CHRM1: variants seen among roughly 807,000 people sequenced by gnomAD.
CHRM1 encodes the protein muscarinic acetylcholine receptor M1.
In CHRM1, 5 loss-of-function variants were observed where a neutral mutation model predicts 31.6. The observed-to-expected ratio is 0.16, with a 90% CI of 0.08 to 0.33. The LOEUF (loss-of-function observed/expected upper bound fraction) is 0.33. Among genes scored for constraint, CHRM1 ranks in the 10% least tolerant of loss-of-function variants. The pLI is 1.00. For missense variants in CHRM1, 338 were observed against 610.3 expected (o/e 0.55, Z 4.70); for synonymous variants, 227 against 249.7 (o/e 0.91, Z 0.86).
intron 1 of CHRM1, among the ~76,000 whole-genome samples, chr11:62,917,275 T>C (rs1391369901): frequency 1.3e-5 from 2 of 152,096 alleles, no homozygotes; most frequent in African/African-American, 4.8e-5. Flanking sequence ...TGGGGTTCAG[T>C]GGTAGCTCTA....
chr11:62,913,899 C>G (rs2085886227), intron 1 of CHRM1, among the ~76,000 whole-genome samples: 2 of 150,514 alleles, frequency 1.3e-5, no homozygotes, highest in South Asian at 4.2e-4. Context: ...GGCTGGAGTG[C>G]AGTTGCGCGA....
At position 62,911,132 on chromosome 11, in the gene CHRM1, C is replaced by T; in HGVS notation, c.-32G>A. 1 of 1,600,864 alleles carries T rather than the reference C, an allele frequency of 6.2e-7. No homozygotes were observed. The highest frequency in any genetic ancestry group is 1.1e-5 in the South Asian group (1 of 89,000). Reference sequence around the variant, plus strand: ...TAGGTGGGGCTGGGGTTGGAGAGCCCCTTCCTCCAGGCACGCTACAGGGCT... The same window carrying T: ...TAGGTGGGGCTGGGGTTGGAGAGCCTCTTCCTCCAGGCACGCTACAGGGCT... On this transcript the variant is annotated 5_prime_UTR_variant, in exon 2 of 2. Transcript: ENST00000306960.
In CHRM1 at chr11:62,910,688, G is replaced by T. The variant is rs1407712682; in HGVS notation, c.413C>A (p.Thr138Lys). The change falls in exon 2 of 2, where the codon ACA (threonine) becomes AAA (lysine). Residue 138 changes from threonine to lysine, a missense_variant. Transcript: ENST00000306960. The surrounding 1 kb of genome is among the most constrained non-coding windows in gnomAD (Gnocchi z 8.7). ...TRPLSYRAKR[T>K]PRRAALMIGL... The stretch of plus-strand genomic sequence containing the variant: ...GATCATCAGAGCTGCCCGGCGGGGT[G>T]TGCGCTTGGCACGGTAGCTCAGGGG... 6.2e-7 allele frequency: 1 copy of T among 1,614,152 alleles called. No homozygotes were observed. The highest frequency in any genetic ancestry group is 8.5e-7 in the Non-Finnish European group (1 of 1,180,028).
intron 1 of CHRM1, among the ~76,000 whole-genome samples, chr11:62,914,210 C>T (rs898775156): frequency 3.3e-5 from 5 of 152,086 alleles, no homozygotes; most frequent in South Asian, 2.1e-4. Context: ...TCCCAAAGTG[C>T]TGGGATTACA....
intron 1 of CHRM1, among the ~76,000 whole-genome samples, chr11:62,916,421 T>A (rs2085900720): frequency 6.6e-6 from 1 of 152,198 alleles, no homozygotes; most frequent in African/African-American, 2.4e-5. Flanking sequence ...TAGCTATAAC[T>A]TTGGTGAATT....
intron 1 of CHRM1, among the ~76,000 whole-genome samples, chr11:62,916,105 C>T (rs969415437): frequency 1.1e-4 from 17 of 152,236 alleles, no homozygotes; most frequent in South Asian, 4.1e-4. Context: ...CCACAGCACC[C>T]GGCCCTGTTG....
intron 1 of CHRM1, among the ~76,000 whole-genome samples, chr11:62,919,233 CT>C (rs1305324097): frequency 1.3e-5 from 2 of 152,196 alleles, no homozygotes; most frequent in African/African-American, 4.8e-5. Context: ...ACTTCCACCC[CT>C]GATGTCTGGC....
At chr11:62,912,557 A>T (rs1299846401) in intron 1 of CHRM1, among the ~76,000 whole-genome samples, 1 of 152,106 alleles carries the variant, frequency 6.6e-6, no homozygotes, top group Admixed American at 6.5e-5. Context: ...AAATGGGAAG[A>T]TCCCCCAGAC....
In CHRM1 at chr11:62,909,537, T is replaced by C. The variant is rs999831099; in HGVS notation, c.*181A>G. On this transcript the variant is annotated 3_prime_UTR_variant, in exon 2 of 2. Coordinates refer to ENST00000306960, the MANE Select transcript of CHRM1 (RefSeq NM_000738.3). ...AGTTCCCCGGGTTTCCCTCCCTGCC[T>C]GGGAATAGCGAAGTCTGGAAAGTTG... 4.3e-6 allele frequency: 3 copies of C among 689,772 alleles called. No homozygotes were observed. The highest frequency in any genetic ancestry group is 1.8e-5 in the African/African-American group (1 of 55,930). 42.7% of individuals were successfully genotyped at this position (689,772 alleles called of 1,614,324 possible).
intron 1 of CHRM1, among the ~76,000 whole-genome samples, 158 bp downstream of exon 1, chr11:62,921,060 G>T (rs1232100089): frequency 6.6e-6 from 1 of 152,056 alleles, no homozygotes; most frequent in Non-Finnish European, 1.5e-5. Flanking sequence ...ATGCTACAGA[G>T]CCCCCTTGCC....
intron 1 of CHRM1, among the ~76,000 whole-genome samples, chr11:62,914,282 G>T (rs2085888950): frequency 6.6e-6 from 1 of 152,116 alleles, no homozygotes; most frequent in South Asian, 2.1e-4. Flanking sequence ...CTGAGACTGA[G>T]AAAAGCAAGG....
In CHRM1 at chr11:62,911,025, C is replaced by A. The variant is rs777577586; in HGVS notation, c.76G>T (p.Ala26Ser). ...AGGCCCGTGGTGATCCCAATGAAGG[C>A]CACTTGCCAGGGACCCTTTCCTGGT... The part of the protein sequence containing the change: ...LAPGKGPWQV[A>S]FIGITTGLLS... Residue 26 changes from alanine (A) to serine (S), a missense_variant, in exon 2 of 2, where the codon GCC becomes TCC. By Grantham distance (99) the Ala-to-Ser change is moderately conservative (BLOSUM62 1). Around this residue, in one of 4 missense-constraint regions of CHRM1, gnomAD observed 85 missense variants for 257.7 expected, o/e 0.33. Coordinates refer to ENST00000306960, the MANE Select transcript of CHRM1 (RefSeq NM_000738.3). 1 of 1,614,198 alleles carries A rather than the reference C, an allele frequency of 6.2e-7. No individual in the cohort carries two copies.
intron 1 of CHRM1, among the ~76,000 whole-genome samples, chr11:62,920,335 T>C (rs1195068878): frequency 2.0e-5 from 3 of 152,158 alleles, no homozygotes; most frequent in Non-Finnish European, 4.4e-5. Context: ...TAATGAGAGC[T>C]GACGACCCCC....
At position 62,910,083 on chromosome 11, in the gene CHRM1, C is replaced by T; in HGVS notation, c.1018G>A (p.Gly340Ser). 1 of 1,612,724 alleles carries T rather than the reference C, an allele frequency of 6.2e-7. No homozygotes were observed. The highest frequency in any genetic ancestry group is 1.3e-5 in the African/African-American group (1 of 74,994). The change falls in exon 2 of 2, where the codon GGC (glycine) becomes AGC (serine). Residue 340 changes from glycine (G) to serine (S), a missense_variant. Around this residue, in one of 4 missense-constraint regions of CHRM1, gnomAD observed 183 missense variants for 223.4 expected, o/e 0.82. Coordinates refer to ENST00000306960, the MANE Select transcript of CHRM1 (RefSeq NM_000738.3). The surrounding 1 kb of genome is among the most constrained non-coding windows in gnomAD (Gnocchi z 8.7). ...TGCTCCTTTCCACGGGGCTTCTGGC[C>T]CTTGCCAGCTCGATCACGCCCTTTC... ...TKKGRDRAGK[G>S]QKPRGKEQLA...
Position 62,910,164 on chromosome 11 carries a change from C to A in CHRM1, c.937G>T (p.Ala313Ser). ...CTCCGTGGGGGCTGCTTGGTGGGGG[C>A]CTGTGCCTCGGGGTCCACCATTGGC... is the stretch of plus-strand genomic sequence containing the variant. ...KMPMVDPEAQ[A>S]PTKQPPRSSP... The change falls in exon 2 of 2, where the codon GCC (alanine) becomes TCC (serine). Residue 313 changes from alanine to serine, a missense_variant. By Grantham distance (99) the Ala-to-Ser change is moderately conservative. Around this residue, in one of 4 missense-constraint regions of CHRM1, gnomAD observed 183 missense variants for 223.4 expected, o/e 0.82. Transcript: ENST00000306960. The surrounding 1 kb of genome is among the most constrained non-coding windows in gnomAD (Gnocchi z 8.7). The A allele has an allele frequency of 6.2e-7, 1 of 1,604,050 alleles. No individual in the cohort carries two copies. The highest frequency in any genetic ancestry group is 8.5e-7 in the Non-Finnish European group (1 of 1,175,362).
intron 1 of CHRM1, among the ~76,000 whole-genome samples, chr11:62,917,589 T>A (rs2135047431): frequency 6.6e-6 from 1 of 152,196 alleles, no homozygotes; most frequent in South Asian, 2.1e-4. Flanking sequence ...TGTGAGGGTA[T>A]ATGCATTGCT....
rs2085856239 is a variant in CHRM1 at position 62,909,599 on chromosome 11, G to C, written c.*119C>G. 1.6e-6 allele frequency: 2 copies of C among 1,275,994 alleles called. No homozygotes were observed. The highest frequency in any genetic ancestry group is 4.6e-5 in the Admixed American group (2 of 43,578). 79.0% of individuals were successfully genotyped at this position (1,275,994 alleles called of 1,614,324 possible). Reference sequence around the variant, plus strand: ...CTGGGCTGCCCAGGAAGGTGACCCAGGGTCCTGGGAAGCCAGGTGAGGCCT... The same window carrying C: ...CTGGGCTGCCCAGGAAGGTGACCCACGGTCCTGGGAAGCCAGGTGAGGCCT... On this transcript the variant is annotated 3_prime_UTR_variant, in exon 2 of 2. Coordinates refer to ENST00000306960, the MANE Select transcript of CHRM1 (RefSeq NM_000738.3).
At chr11:62,912,683 G>A (rs1037480501) in intron 1 of CHRM1, among the ~76,000 whole-genome samples, 1 of 152,120 alleles carries the variant, frequency 6.6e-6, no homozygotes, top group Non-Finnish European at 1.5e-5. Context: ...GAAGCCAGAT[G>A]GAAGGGTAAA....
At position 62,909,672 on chromosome 11, in the gene CHRM1, G is replaced by A. The variant is rs770701867; in HGVS notation, c.*46C>T. The A allele has an allele frequency of 6.3e-6, 10 of 1,589,890 alleles. No homozygotes were observed. Among genetic ancestry groups the A allele is most frequent in the Admixed American group, 1.7e-5 (1 of 58,938 alleles). The stretch of plus-strand genomic sequence containing the variant: ...ATGCAGCCCCTGCCCTCTTCCCACC[G>A]GCCTTTCCCGGGGACTGGGGTGGAG... On this transcript the variant is annotated 3_prime_UTR_variant, in exon 2 of 2. Transcript: ENST00000306960.
Sources: allele counts gnomAD v4.1 joint callset (sites outside exome capture counted in the v4.1 genomes callset), GRCh38; gene constraint gnomAD v4.1.1; regional missense constraint gnomAD v4.1.1; non-coding constraint Gnocchi (gnomAD v3.1); transcripts MANE v1.5; gene names NCBI Gene and HGNC (gene_info 2026-07-23, HGNC 2026-07-21).